SLC4A1AP: variants seen among roughly 807,000 people sequenced by gnomAD.
SLC4A1AP encodes the protein kanadaptin.
Under a neutral mutation model 89.7 loss-of-function variants are expected in SLC4A1AP, and 64 were observed. That is an observed-to-expected ratio of 0.71 (90% CI 0.58 to 0.88). The LOEUF is 0.88. Among genes scored for constraint, SLC4A1AP ranks in the 40% least tolerant of loss-of-function variants. The pLI is 0.00. For synonymous variants in SLC4A1AP, 366 were observed against 353.3 expected, an observed-to-expected ratio of 1.04 and a Z score of -0.40; for missense variants, 931 against 965.0, an observed-to-expected ratio of 0.96 and a Z score of 0.47.
chr2:27,668,702 A>G (rs1175653471), intron 3 of SLC4A1AP, 141 bp from the exon 4 acceptor site: 1 of 788,046 alleles, frequency 1.3e-6, no homozygotes. Context: ...ATCCCGCCTC[A>G]GCCTCCCAAA....
At chr2:27,678,628 G>A (rs1248384360) in intron 8 of SLC4A1AP, among the ~76,000 whole-genome samples, 1 of 151,960 alleles carries the variant, frequency 6.6e-6, no homozygotes, top group African/African-American at 2.4e-5. Context: ...TCTACTCACA[G>A]GCCACAGGAA....
chr2:27,670,723 T>C (rs577275401), intron 5 of SLC4A1AP, among the ~76,000 whole-genome samples: 1 of 150,916 alleles, frequency 6.6e-6, no homozygotes, highest in East Asian at 2.0e-4. Flanking sequence ...CAGTTGGGTG[T>C]GGTGGCAGGT....
rs555285286 is a variant in SLC4A1AP, at chr2:27,683,772, C to CTG, written c.1876-1263_1876-1262dup. Among the ~76,000 whole-genome samples the CTG allele has an allele frequency of 1.1e-4, 16 of 152,206 alleles. No homozygotes were observed. In the East Asian group the frequency reaches 3.1e-3, roughly 29 times the overall value. On this transcript the variant is annotated intron_variant, in intron 9 of 13. Coordinates refer to ENST00000613058, the Ensembl canonical transcript of SLC4A1AP. ...TGTTTCATTGAGAGACAGTCTCACA[C>CTG]TGTCACCCAGGCTGCAGTGCAGTGG...
At chr2:27,680,031 C>T (rs1354002262) in intron 8 of SLC4A1AP, among the ~76,000 whole-genome samples, 1 of 152,072 alleles carries the variant, frequency 6.6e-6, no homozygotes. Flanking sequence ...TCCCCCCAAC[C>T]CTTCATTGGT....
intron 3 of SLC4A1AP, 49 bp from the exon 4 acceptor site, chr2:27,668,794 G>C (rs1675375448): frequency 4.6e-6 from 7 of 1,517,174 alleles, no homozygotes; most frequent in Non-Finnish European, 6.4e-6. Flanking sequence ...GTATCAACTA[G>C]TAATTTTTGG....
At chr2:27,664,855 C>T (rs1675281191) in intron 1 of SLC4A1AP, among the ~76,000 whole-genome samples, 1 of 151,808 alleles carries the variant, frequency 6.6e-6, no homozygotes, top group African/African-American at 2.4e-5. Context: ...ATCGCTTTAG[C>T]CCAGGAGTTT....
exon 2 of SLC4A1AP, chr2:27,665,138 A>G: frequency 1.2e-6 from 2 of 1,613,786 alleles, no homozygotes; most frequent in Non-Finnish European, 1.7e-6. Context: ...CCGAGTTAAC[A>G]GTAACACAGT....
Position 27,682,985 on chromosome 2 carries a change from C to T in SLC4A1AP, c.1875+626C>T, listed in dbSNP as rs542001813. 6.7e-4 allele frequency among the ~76,000 whole-genome samples: 102 copies of T among 152,302 alleles called. 1 individual carries two copies. Among genetic ancestry groups the T allele is most frequent in the Non-Finnish European group, 1.2e-3 (79 of 68,026 alleles). ...GTCTCCTGCATTAAATGCTTTTCCC[C>T]AGGTGGATAGATGTAGTGTTCAGAC... On this transcript the variant is annotated intron_variant, in intron 9 of 13. Transcript: ENST00000613058.
At chr2:27,674,972 T>A (rs1241419544) in intron 5 of SLC4A1AP, among the ~76,000 whole-genome samples, 1 of 152,232 alleles carries the variant, frequency 6.6e-6, no homozygotes, top group African/African-American at 2.4e-5. Context: ...CCCAAAGTGC[T>A]GGGATTACCA....
chr2:27,667,104 T>C (rs897748292), intron 2 of SLC4A1AP, among the ~76,000 whole-genome samples, 164 bp from the exon 3 acceptor site: 1 of 152,028 alleles, frequency 6.6e-6, no homozygotes, highest in Non-Finnish European at 1.5e-5. Flanking sequence ...CTCCTGACCT[T>C]GTGATCCACC....
At chr2:27,673,417 TC>T (rs1289263372) in intron 5 of SLC4A1AP, among the ~76,000 whole-genome samples, 1 of 34,726 alleles carries the variant, frequency 2.9e-5, no homozygotes, top group Non-Finnish European at 5.1e-5. Context: ...CCTCCCTCCC[TC>T]CCTCCCTCCC....
intron 5 of SLC4A1AP, among the ~76,000 whole-genome samples, chr2:27,671,927 C>T (rs898251221): frequency 6.6e-6 from 1 of 152,166 alleles, no homozygotes; most frequent in Non-Finnish European, 1.5e-5. Flanking sequence ...TGTAGCTTCA[C>T]TCCTGATTAA....
intron 11 of SLC4A1AP, 84 bp from the exon 12 acceptor site, chr2:27,688,616 G>C: frequency 4.8e-6 from 4 of 838,618 alleles, no homozygotes; most frequent in Middle Eastern, 4.9e-4. Context: ...TTCAATAATT[G>C]TAATGTTCTT....
intron 12 of SLC4A1AP, chr2:27,692,092 C>T (rs954590707): frequency 1.3e-4 from 20 of 152,234 alleles, no homozygotes; most frequent in African/African-American, 4.3e-4. Flanking sequence ...GGGTTATAGG[C>T]GTGAGTCACC....
intron 10 of SLC4A1AP, among the ~76,000 whole-genome samples, chr2:27,687,004 A>T (rs747126806): frequency 1.3e-5 from 2 of 152,146 alleles, no homozygotes; most frequent in Admixed American, 6.5e-5. Context: ...GGGTCTCCCT[A>T]TGTTGCTCAA....
intron 6 of SLC4A1AP, among the ~76,000 whole-genome samples, chr2:27,676,677 A>T (rs1299563589): frequency 6.6e-6 from 1 of 151,746 alleles, no homozygotes; most frequent in Non-Finnish European, 1.5e-5. Context: ...AAAAAATACA[A>T]AAATTAGACA....
chr2:27,679,822 C>T (rs77311900), intron 8 of SLC4A1AP, among the ~76,000 whole-genome samples: 1,595 of 152,124 alleles, frequency 0.01, 31 homozygotes, highest in African/African-American at 0.035. Flanking sequence ...CTGTTTAGGT[C>T]GGGTTCCCTA....
At chr2:27,673,072 G>A (rs1483955533) in intron 5 of SLC4A1AP, among the ~76,000 whole-genome samples, 1 of 152,188 alleles carries the variant, frequency 6.6e-6, no homozygotes, top group East Asian at 1.9e-4. Context: ...ATGGAAAGGA[G>A]ATGAGTAGGC....
chr2:27,667,514 T>A, intron 3 of SLC4A1AP, 124 bp downstream of exon 3: 1 of 962,246 alleles, frequency 1.0e-6, no homozygotes, highest in Non-Finnish European at 1.4e-6. Flanking sequence ...CTTGTTCACT[T>A]TTTACTCTTG....
Sources: gnomAD v4.1 joint callset for allele counts (sites outside exome capture counted in the v4.1 genomes callset) on GRCh38, gnomAD v4.1.1 for gene constraint, MANE v1.5 for transcripts, NCBI Gene and HGNC (gene_info 2026-07-23, HGNC 2026-07-21) for gene names.